Variants in CNTN5 observed in about 807,000 individuals in gnomAD.
CNTN5 encodes the protein contactin-5.
Under a neutral mutation model 129.1 loss-of-function variants are expected in CNTN5, and 77 were observed. That is an observed-to-expected ratio of 0.60 (90% confidence interval 0.50 to 0.72). The LOEUF is 0.72. Ranked by LOEUF, CNTN5 falls within the 30% of genes least tolerant of loss-of-function variation. The probability of loss-of-function intolerance (pLI) is 0.00; values close to 1 mark genes in which losing one functional copy is unlikely to be tolerated. For synonymous variants in CNTN5, 509 were observed against 465.6 expected, an observed-to-expected ratio of 1.09 and a Z score of -1.20; for missense variants, 1,478 against 1,328.8, an observed-to-expected ratio of 1.11 and a Z score of -1.75.
intron 6 of CNTN5, among the ~76,000 whole-genome samples, chr11:99,867,406 G>A (rs1427222053): frequency 6.6e-6 from 1 of 152,158 alleles, no homozygotes; most frequent in Non-Finnish European, 1.5e-5. Flanking sequence ...TTAAACAAGA[G>A]CAAATGTATT....
intron 14 of CNTN5, 68 bp from the exon 15 acceptor site, chr11:100,193,420 A>G: frequency 9.6e-7 from 1 of 1,039,946 alleles, no homozygotes; most frequent in Non-Finnish European, 1.4e-6. Context: ...CAATTATTTC[A>G]AGCAAAATAT....
At chr11:100,295,291 AT>A (rs1226773454) in intron 18 of CNTN5, among the ~76,000 whole-genome samples, 4 of 151,524 alleles carry the variant, frequency 2.6e-5, no homozygotes, top group African/African-American at 9.7e-5. Context: ...AGTAAAACAA[AT>A]GTTTTTAAAA....
intron 13 of CNTN5, among the ~76,000 whole-genome samples, chr11:100,096,032 G>A (rs1220703930): frequency 6.6e-6 from 1 of 152,048 alleles, no homozygotes; most frequent in African/African-American, 2.4e-5. Flanking sequence ...TTGGTAGACA[G>A]GGCCGATATC....
chr11:99,300,316 A>T (rs1400486859), intron 1 of CNTN5, among the ~76,000 whole-genome samples: 2 of 151,816 alleles, frequency 1.3e-5, no homozygotes, highest in African/African-American at 4.8e-5. Flanking sequence ...TTTGTTGATA[A>T]TTTTTATCAT....
intron 1 of CNTN5, among the ~76,000 whole-genome samples, chr11:99,194,663 T>C (rs1383670958): frequency 6.6e-6 from 1 of 152,140 alleles, no homozygotes; most frequent in Non-Finnish European, 1.5e-5. Context: ...TGGAGTGCAG[T>C]GGCCCGATCT....
chr11:99,293,324 A>G (rs1189783077), intron 1 of CNTN5, among the ~76,000 whole-genome samples: 2 of 152,078 alleles, frequency 1.3e-5, no homozygotes, highest in Admixed American at 6.6e-5. Context: ...TGCTGAATTC[A>G]CTTTTATAGT....
chr11:100,011,054 C>T (rs558513625), intron 9 of CNTN5, among the ~76,000 whole-genome samples: 1 of 152,262 alleles, frequency 6.6e-6, no homozygotes, highest in African/African-American at 2.4e-5. Context: ...AATATGTACA[C>T]TGAATGAATT....
At chr11:100,061,534 G>T (rs1205421730) in intron 10 of CNTN5, 141 bp downstream of exon 10, 1 of 602,230 alleles carries the variant, frequency 1.7e-6, no homozygotes, top group Non-Finnish European at 2.8e-6. Context: ...GTATGGTAAG[G>T]CATCATGTCA....
At chr11:99,789,948 T>A (rs1295447401) in intron 3 of CNTN5, among the ~76,000 whole-genome samples, 1 of 152,034 alleles carries the variant, frequency 6.6e-6, no homozygotes, top group Non-Finnish European at 1.5e-5. Flanking sequence ...CCTTTAGTAA[T>A]CTGAAGTGTC....
At chr11:99,791,140 A>C (rs1945727590) in intron 3 of CNTN5, among the ~76,000 whole-genome samples, 1 of 151,656 alleles carries the variant, frequency 6.6e-6, no homozygotes. Flanking sequence ...TAGAAGCTTA[A>C]GTTTAAGTAG....
chr11:99,903,631 CAT>C (rs1949416721), intron 6 of CNTN5, among the ~76,000 whole-genome samples: 1 of 152,038 alleles, frequency 6.6e-6, no homozygotes, highest in Non-Finnish European at 1.5e-5. Flanking sequence ...TTGAAAGAAA[CAT>C]AGCAGAGGGA....
At chr11:99,483,510 C>A (rs1362587082) in intron 2 of CNTN5, among the ~76,000 whole-genome samples, 2 of 152,090 alleles carry the variant, frequency 1.3e-5, no homozygotes, top group South Asian at 4.1e-4. Context: ...GCCCACTCAC[C>A]CAACTCCGGA....
At chr11:100,070,343 G>A (rs1224175203) in intron 10 of CNTN5, 81 bp from the exon 11 acceptor site, 2 of 1,412,136 alleles carry the variant, frequency 1.4e-6, no homozygotes, top group Admixed American at 2.2e-5. Flanking sequence ...AAAATACGTT[G>A]AATTTTTCCA....
At chr11:99,142,812 A>C (rs11218540) in intron 1 of CNTN5, among the ~76,000 whole-genome samples, 38,424 of 151,982 alleles carry the variant, frequency 0.25, 5,265 homozygotes, top group Middle Eastern at 0.31. Flanking sequence ...CTGACAGCAC[A>C]AGTGTTCGTG....
At chr11:99,668,204 G>C (rs1238353170) in intron 3 of CNTN5, among the ~76,000 whole-genome samples, 1 of 152,132 alleles carries the variant, frequency 6.6e-6, no homozygotes, top group Non-Finnish European at 1.5e-5. Context: ...TAAAGGGACT[G>C]CTAGTAGGAC....
At chr11:99,167,374 T>C (rs562789635) in intron 1 of CNTN5, among the ~76,000 whole-genome samples, 5 of 152,256 alleles carry the variant, frequency 3.3e-5, no homozygotes, top group South Asian at 2.1e-4. Context: ...GGCTGGTATG[T>C]AAAAAAGTAG....
intron 2 of CNTN5, among the ~76,000 whole-genome samples, chr11:99,439,400 T>C (rs1943728020): frequency 6.6e-6 from 1 of 152,050 alleles, no homozygotes; most frequent in Non-Finnish European, 1.5e-5. Context: ...ACAAATGGGC[T>C]AAATACTTAG....
At chr11:100,234,792 T>TAAAAAAAAAAAAAAAAAAAAA (rs781363668) in intron 16 of CNTN5, among the ~76,000 whole-genome samples, 1 of 102,066 alleles carries the variant, frequency 9.8e-6, no homozygotes, top group East Asian at 3.4e-4. Context: ...TCCCAGAATT[T>TAAAAAAAAAAAAAAAAAAAAA]AAAAAAAAAA....
rs71474555 is a variant in CNTN5, at chr11:100,356,664, C to T, written c.*444C>T. On this transcript the variant is annotated 3_prime_UTR_variant, in exon 25 of 25. Transcript: ENST00000524871. ...GACTAAGTCCAGTGTTTTTCATTTTCCCTTTGGCTGAATATTTCAATTGAC... is the reference window on the plus strand; with the variant it reads ...GACTAAGTCCAGTGTTTTTCATTTTTCCTTTGGCTGAATATTTCAATTGAC... The T allele has an allele frequency of 1.7e-3, 260 of 156,414 alleles. No individual in the cohort carries two copies. The highest frequency in any genetic ancestry group is 2.6e-3 in the Non-Finnish European group (183 of 70,826). 9.7% of individuals were successfully genotyped at this position (156,414 alleles called of 1,614,324 possible).
Sources: allele counts gnomAD v4.1 joint callset (sites outside exome capture counted in the v4.1 genomes callset), GRCh38; gene constraint gnomAD v4.1.1; transcripts MANE v1.5; gene names NCBI Gene and HGNC (gene_info 2026-07-23, HGNC 2026-07-21).